Variants in EBF1 observed in about 807,000 individuals in gnomAD.
EBF1 encodes the protein transcription factor COE1.
A neutral mutation model predicts 68.4 loss-of-function variants in EBF1; 10 were observed. The observed-to-expected ratio is 0.15, with a 90% confidence interval of 0.09 to 0.25. The LOEUF is 0.25. Among genes scored for constraint, EBF1 ranks in the 10% least tolerant of loss-of-function variants. The probability of loss-of-function intolerance (pLI) is 1.00; values close to 1 mark genes in which losing one functional copy is unlikely to be tolerated. For missense variants in EBF1, 509 were observed against 794.4 expected (o/e 0.64, Z 4.32); for synonymous variants, 298 against 299.8 (o/e 0.99, Z 0.06).
At chr5:159,061,396 T>C (rs1775790921) in intron 6 of EBF1, among the ~76,000 whole-genome samples, 1 of 151,608 alleles carries the variant, frequency 6.6e-6, no homozygotes, top group Non-Finnish European at 1.5e-5. Flanking sequence ...GAGAATTTGA[T>C]TGTGGAGATA....
chr5:158,746,142 T>C (rs567007809), intron 10 of EBF1, among the ~76,000 whole-genome samples: 1 of 152,330 alleles, frequency 6.6e-6, no homozygotes, highest in South Asian at 2.1e-4. Flanking sequence ...ATGGTTCTCC[T>C]AAGGTACACG....
At chr5:158,756,200 A>G (rs1770053259) in intron 10 of EBF1, among the ~76,000 whole-genome samples, 2 of 151,746 alleles carry the variant, frequency 1.3e-5, no homozygotes, top group Admixed American at 1.3e-4. Context: ...AATCTCAACC[A>G]CAGATCAACT....
At chr5:158,810,919 C>T (rs983588654) in intron 8 of EBF1, among the ~76,000 whole-genome samples, 1 of 152,144 alleles carries the variant, frequency 6.6e-6, no homozygotes, top group Non-Finnish European at 1.5e-5. Flanking sequence ...ATTACTAGGT[C>T]ATCTCCCAGC....
chr5:159,073,146 A>G (rs1336945054), intron 6 of EBF1, among the ~76,000 whole-genome samples: 1 of 152,230 alleles, frequency 6.6e-6, no homozygotes, highest in East Asian at 1.9e-4. Context: ...ACAGAAAGTC[A>G]GGAAAGAAAA....
intron 9 of EBF1, 118 bp downstream of exon 9, chr5:158,796,226 GA>G: frequency 8.8e-7 from 1 of 1,131,848 alleles, no homozygotes; most frequent in Non-Finnish European, 1.1e-6. Context: ...TCTGTAGACT[GA>G]AGCTGGCCCA....
At chr5:159,048,238 T>A (rs1316256158) in intron 6 of EBF1, among the ~76,000 whole-genome samples, 2 of 152,092 alleles carry the variant, frequency 1.3e-5, no homozygotes, top group Non-Finnish European at 2.9e-5. Context: ...ACGCAGTAGG[T>A]ACTCAATAAA....
chr5:158,744,793 A>G (rs1767186755), intron 10 of EBF1, among the ~76,000 whole-genome samples: 1 of 152,234 alleles, frequency 6.6e-6, no homozygotes, highest in African/African-American at 2.4e-5. Flanking sequence ...AAGCTGTCAC[A>G]TTCACCGGAA....
chr5:158,926,807 A>T (rs1809810512), intron 6 of EBF1, among the ~76,000 whole-genome samples: 1 of 152,226 alleles, frequency 6.6e-6, no homozygotes, highest in Non-Finnish European at 1.5e-5. Context: ...AGCAATGAAA[A>T]TGCCCAGGAT....
chr5:158,714,780 G>A (rs912920834), intron 11 of EBF1, among the ~76,000 whole-genome samples: 2 of 152,098 alleles, frequency 1.3e-5, no homozygotes, highest in African/African-American at 4.8e-5. Flanking sequence ...GGCCCCCTCT[G>A]CACCAATTTT....
At chr5:158,974,268 C>T (rs972961525) in intron 6 of EBF1, among the ~76,000 whole-genome samples, 5 of 152,152 alleles carry the variant, frequency 3.3e-5, no homozygotes, top group East Asian at 1.9e-4. Flanking sequence ...AAACTTCAGG[C>T]TTGAGGCAGA....
At chr5:159,095,706 A>C in intron 3 of EBF1, 31 bp from the exon 4 acceptor site, 1 of 1,612,448 alleles carries the variant, frequency 6.2e-7, no homozygotes, top group South Asian at 1.1e-5. Flanking sequence ...AGGGAGGAGA[A>C]TTAAGTGAGA....
At chr5:158,720,579 T>G (rs1581298481) in intron 11 of EBF1, among the ~76,000 whole-genome samples, 1 of 152,262 alleles carries the variant, frequency 6.6e-6, no homozygotes, top group Non-Finnish European at 1.5e-5. Flanking sequence ...TTCCTCAAAT[T>G]TTTCATTTTT....
At chr5:158,775,581 A>C (rs1774955654) in intron 10 of EBF1, among the ~76,000 whole-genome samples, 1 of 152,098 alleles carries the variant, frequency 6.6e-6, no homozygotes, top group South Asian at 2.1e-4. Flanking sequence ...AACTTCTCAG[A>C]GAAAACATTT....
intron 6 of EBF1, among the ~76,000 whole-genome samples, chr5:159,051,515 A>G (rs886728755): frequency 2.0e-5 from 3 of 146,356 alleles, no homozygotes; most frequent in African/African-American, 7.5e-5. Context: ...CGCTGGCGAC[A>G]AACTGGAGCC....
Position 158,892,104 on chromosome 5 carries a change from A to G in EBF1, c.555-51994T>C, listed in dbSNP as rs528190348. ...TGCACACACACACACATACACATAC[A>G]CACACATATTTATAGTCCTTCCTAA... On this transcript the variant is annotated intron_variant, in intron 6 of 15. Coordinates refer to ENST00000313708, the MANE Select transcript of EBF1 (RefSeq NM_024007.5). Among the ~76,000 whole-genome samples the G allele has an allele frequency of 8.3e-4, 123 of 148,982 alleles. 1 individual carries two copies. The highest frequency in any genetic ancestry group is 2.8e-3 in the African/African-American group (115 of 41,272).
chr5:159,083,860 C>A (rs979077591), intron 5 of EBF1, among the ~76,000 whole-genome samples: 5 of 152,240 alleles, frequency 3.3e-5, no homozygotes, highest in African/African-American at 1.2e-4. Flanking sequence ...ATATTGGGAG[C>A]AAACTGCTGG....
At chr5:158,869,222 A>C (rs915750534) in intron 6 of EBF1, among the ~76,000 whole-genome samples, 10 of 152,206 alleles carry the variant, frequency 6.6e-5, no homozygotes, top group Non-Finnish European at 1.3e-4. Context: ...ATATCAACCC[A>C]GGAGGAGACA....
intron 10 of EBF1, among the ~76,000 whole-genome samples, chr5:158,743,197 T>C (rs1475589386): frequency 6.6e-6 from 1 of 152,170 alleles, no homozygotes; most frequent in East Asian, 1.9e-4. Flanking sequence ...TTCTCTGTAG[T>C]AGAGTCAGGG....
intron 8 of EBF1, among the ~76,000 whole-genome samples, chr5:158,817,293 G>A (rs1178071712): frequency 6.6e-6 from 1 of 152,042 alleles, no homozygotes; most frequent in South Asian, 2.1e-4. Flanking sequence ...ATAGATGAAT[G>A]GTTCAATGTC....
Sources: allele counts gnomAD v4.1 joint callset (sites outside exome capture counted in the v4.1 genomes callset), GRCh38; gene constraint gnomAD v4.1.1; transcripts MANE v1.5; gene names NCBI Gene and HGNC (gene_info 2026-07-23, HGNC 2026-07-21).